KIAA1328: variants seen among roughly 807,000 people sequenced by gnomAD.
KIAA1328 encodes KIAA1328, also known as protein hinderin.
A neutral mutation model predicts 68.1 loss-of-function variants in KIAA1328; 52 were observed. That is an observed-to-expected ratio of 0.76 (90% CI 0.61 to 0.96). KIAA1328 has a LOEUF of 0.96. KIAA1328 is among the 40% of genes least tolerant of loss of function. KIAA1328 has a pLI of 0.00. For synonymous variants in KIAA1328, 232 were observed against 239.4 expected (o/e 0.97, Z 0.28); for missense variants, 641 against 677.6 (o/e 0.95, Z 0.60).
At chr18:37,182,557 A>G (rs995992363) in intron 9 of KIAA1328, among the ~76,000 whole-genome samples, 2 of 152,180 alleles carry the variant, frequency 1.3e-5, no homozygotes, top group Non-Finnish European at 2.9e-5. Context: ...AGTAGTTGTC[A>G]TTATAGAACT....
In KIAA1328 at chr18:37,124,188, G is replaced by T. The variant is rs185180717; in HGVS notation, c.1233-36012G>T. On this transcript the variant is annotated intron_variant, in intron 7 of 9. Transcript: ENST00000280020. The stretch of plus-strand genomic sequence containing the variant: ...AGCTAAGACAAAATGCAGAATACTG[G>T]TGGACAAAAATAAAAAATAAAAAGA... Among the ~76,000 whole-genome samples the T allele has an allele frequency of 4.6e-5, 7 of 152,192 alleles. No individual in the cohort carries two copies. The East Asian group carries it at 1.3e-3, about 29-fold the overall frequency.
At chr18:37,229,267 C>T (rs887634600), downstream of KIAA1328, among the ~76,000 whole-genome samples, 2 of 152,186 alleles carry the variant, frequency 1.3e-5, no homozygotes, top group African/African-American at 4.8e-5. Context: ...GTGCCACACC[C>T]TTGGCTGGGC....
intron 5 of KIAA1328, among the ~76,000 whole-genome samples, chr18:36,914,084 C>G (rs958724204): frequency 6.6e-6 from 1 of 152,048 alleles, no homozygotes; most frequent in African/African-American, 2.4e-5. Context: ...TGAAAATATA[C>G]AAGAAGGAAG....
At chr18:36,933,989 C>A (rs2050407936) in intron 5 of KIAA1328, among the ~76,000 whole-genome samples, 1 of 152,202 alleles carries the variant, frequency 6.6e-6, no homozygotes, top group Admixed American at 6.5e-5. Context: ...AAAGTCCCCG[C>A]ATTTTGCACA....
At chr18:37,070,360 T>C (rs2056482131) in intron 7 of KIAA1328, among the ~76,000 whole-genome samples, 1 of 152,216 alleles carries the variant, frequency 6.6e-6, no homozygotes, top group African/African-American at 2.4e-5. Flanking sequence ...TTCTATATTC[T>C]TGCTGATTTT....
In KIAA1328 at chr18:37,219,462, T is replaced by C. The variant is rs373725435; in HGVS notation, c.1524-2555T>C. Among the ~76,000 whole-genome samples the C allele has an allele frequency of 4.9e-4, 75 of 152,326 alleles. No individual in the cohort carries two copies. The East Asian group carries it at 0.012, about 25-fold the overall frequency. ...AGTCTACAGAGGCAGGCAGGCCTCG[T>C]TGACCTGCGGTGGGCTCCACCCAGT... is the stretch of plus-strand genomic sequence containing the variant. On this transcript the variant is annotated intron_variant, in intron 9 of 9. Coordinates refer to ENST00000280020, the MANE Select transcript of KIAA1328 (RefSeq NM_020776.3).
At chr18:36,898,838 G>A (rs2048945538) in intron 5 of KIAA1328, among the ~76,000 whole-genome samples, 1 of 151,896 alleles carries the variant, frequency 6.6e-6, no homozygotes, top group South Asian at 2.1e-4. Flanking sequence ...AGTTTTGTAT[G>A]TTGATTTTAT....
intron 4 of KIAA1328, among the ~76,000 whole-genome samples, chr18:36,851,069 CAT>C (rs750360635): frequency 2.8e-4 from 43 of 152,034 alleles, no homozygotes; most frequent in South Asian, 1.7e-3. Context: ...TTGATATGGT[CAT>C]GTTTTTGTGG....
intron 7 of KIAA1328, among the ~76,000 whole-genome samples, chr18:37,157,743 G>A (rs1203839320): frequency 6.7e-6 from 1 of 150,000 alleles, no homozygotes; most frequent in Non-Finnish European, 1.5e-5. Context: ...GGAAGGTGGA[G>A]GTTGTGGTGA....
At chr18:36,941,445 A>G (rs1598770452) in intron 5 of KIAA1328, among the ~76,000 whole-genome samples, 1 of 151,968 alleles carries the variant, frequency 6.6e-6, no homozygotes. Flanking sequence ...AAATACAAAA[A>G]CCAGCCAGGC....
chr18:36,980,532 CATATGCTAGA>C, intron 6 of KIAA1328, among the ~76,000 whole-genome samples: 1 of 152,138 alleles, frequency 6.6e-6, no homozygotes, highest in East Asian at 1.9e-4. Context: ...AACAATTGGG[CATATGCTAGA>C]AGACTCACTG....
intron 1 of KIAA1328, among the ~76,000 whole-genome samples, chr18:36,830,000 T>C (rs1169464048): frequency 6.6e-6 from 1 of 152,210 alleles, no homozygotes; most frequent in Non-Finnish European, 1.5e-5. Flanking sequence ...GATAATTTAC[T>C]TCACGTTCCT....
At chr18:37,181,238 G>A (rs2059693392) in intron 9 of KIAA1328, among the ~76,000 whole-genome samples, 1 of 151,890 alleles carries the variant, frequency 6.6e-6, no homozygotes, top group Non-Finnish European at 1.5e-5. Flanking sequence ...TAGTAAAACG[G>A]ACTAATCTGG....
chr18:37,018,883 AC>A (rs1270608601), intron 6 of KIAA1328, among the ~76,000 whole-genome samples: 1 of 151,732 alleles, frequency 6.6e-6, no homozygotes, highest in Non-Finnish European at 1.5e-5. Flanking sequence ...AATCTCATCG[AC>A]CTTCCTTGCA....
chr18:37,148,101 G>C (rs2058945269), intron 7 of KIAA1328, among the ~76,000 whole-genome samples: 2 of 152,028 alleles, frequency 1.3e-5, no homozygotes, highest in African/African-American at 4.8e-5. Context: ...GCATGTATTA[G>C]CTATTTTTCC....
intron 7 of KIAA1328, among the ~76,000 whole-genome samples, chr18:37,145,533 C>G (rs142154208): frequency 6.6e-6 from 1 of 152,194 alleles, no homozygotes; most frequent in Non-Finnish European, 1.5e-5. Flanking sequence ...TTGGTACTAT[C>G]AACTGATAAA....
chr18:37,040,795 G>T (rs2055215302), intron 6 of KIAA1328, among the ~76,000 whole-genome samples: 1 of 150,228 alleles, frequency 6.7e-6, no homozygotes, highest in Non-Finnish European at 1.5e-5. Context: ...CTTCCCCTTT[G>T]ACTTCCTTTT....
intron 4 of KIAA1328, among the ~76,000 whole-genome samples, chr18:36,884,006 G>C (rs2048412807): frequency 7.4e-6 from 1 of 134,684 alleles, no homozygotes; most frequent in African/African-American, 2.9e-5. Flanking sequence ...TATAGTGAAA[G>C]AAATTCTGGA....
intron 7 of KIAA1328, among the ~76,000 whole-genome samples, chr18:37,139,564 A>C (rs1307479047): frequency 6.6e-6 from 1 of 152,190 alleles, no homozygotes; most frequent in Non-Finnish European, 1.5e-5. Context: ...CACTTAGCAC[A>C]TCAGTAGATC....
Sources: allele counts gnomAD v4.1 joint callset (sites outside exome capture counted in the v4.1 genomes callset), GRCh38; gene constraint gnomAD v4.1.1; transcripts MANE v1.5; gene names NCBI Gene and HGNC (gene_info 2026-07-23, HGNC 2026-07-21).